The following NTM variants were observed in gnomAD, a reference collection of about 807,000 sequenced individuals.
NTM encodes the protein IgLON family member 2.
A neutral mutation model predicts 42.1 loss-of-function variants in NTM; 13 were observed. The observed-to-expected ratio is 0.31, with a 90% CI of 0.20 to 0.49. The LOEUF (loss-of-function observed/expected upper bound fraction) is 0.49. Ranked by LOEUF, NTM falls within the 20% of genes least tolerant of loss-of-function variation. NTM has a pLI of 0.99. For missense variants in NTM, 373 were observed against 452.8 expected (o/e 0.82, Z 1.60); for synonymous variants, 187 against 179.2 (o/e 1.04, Z -0.35).
At chr11:132,007,305 G>A (rs1362863121) in intron 2 of NTM, among the ~76,000 whole-genome samples, 1 of 152,138 alleles carries the variant, frequency 6.6e-6, no homozygotes, top group Non-Finnish European at 1.5e-5. Flanking sequence ...TTGGATAAGT[G>A]GCAATAAGGG....
At chr11:132,176,139 C>T (rs933452710) in intron 3 of NTM, among the ~76,000 whole-genome samples, 3 of 152,080 alleles carry the variant, frequency 2.0e-5, no homozygotes, top group Non-Finnish European at 4.4e-5. Context: ...TTAAGTGTAA[C>T]TGTATGTGGA....
At chr11:131,866,577 C>T (rs371228702) in intron 1 of NTM, among the ~76,000 whole-genome samples, 41 of 152,374 alleles carry the variant, frequency 2.7e-4, no homozygotes, top group African/African-American at 8.9e-4. Flanking sequence ...GTGTCTCCCC[C>T]TCCCCTGCAA....
At chr11:132,232,118 C>G (rs2087712973) in intron 4 of NTM, among the ~76,000 whole-genome samples, 1 of 152,168 alleles carries the variant, frequency 6.6e-6, no homozygotes, top group Non-Finnish European at 1.5e-5. Context: ...CTGCGTCTCG[C>G]CTGGGAGAGC....
rs908833374 is a variant in NTM at position 132,153,645 on chromosome 11, C to T, written c.400+7131C>T. On this transcript the variant is annotated intron_variant, in intron 3 of 8. Transcript: ENST00000683400. ...CTCTCTTCTTAATAAAATTAAAATG[C>T]GTAGCTTCTTAGGACATAGGGAGTA... 3.3e-5 allele frequency among the ~76,000 whole-genome samples: 5 copies of T among 152,244 alleles called. No homozygotes were observed. The East Asian group carries it at 7.8e-4, about 24-fold the overall frequency.
chr11:132,184,152 G>A (rs1013671653), intron 3 of NTM, among the ~76,000 whole-genome samples: 12 of 152,274 alleles, frequency 7.9e-5, no homozygotes, highest in Non-Finnish European at 1.0e-4. Flanking sequence ...GGGGGTGTCC[G>A]TAGATCTTCC....
intron 3 of NTM, among the ~76,000 whole-genome samples, chr11:132,198,689 G>A (rs1212775487): frequency 6.6e-6 from 1 of 152,156 alleles, no homozygotes; most frequent in African/African-American, 2.4e-5. Context: ...CTGCAGATTT[G>A]CATAGAGCCC....
intron 1 of NTM, among the ~76,000 whole-genome samples, chr11:131,638,816 T>G (rs2064767538): frequency 1.3e-5 from 2 of 152,138 alleles, no homozygotes; most frequent in Admixed American, 1.3e-4. Flanking sequence ...TGTTTTGTTT[T>G]TTTAATTTCT....
chr11:132,108,809 CTCA>C (rs1484748062), intron 2 of NTM, among the ~76,000 whole-genome samples: 1 of 152,168 alleles, frequency 6.6e-6, no homozygotes, highest in East Asian at 1.9e-4. Context: ...CACCCATCAA[CTCA>C]TCATCTACGT....
intron 1 of NTM, among the ~76,000 whole-genome samples, chr11:131,395,319 C>T (rs1166456000): frequency 1.3e-5 from 2 of 152,182 alleles, no homozygotes; most frequent in Admixed American, 6.5e-5. Context: ...AGGAATATTG[C>T]TTTTATAGCT....
rs1027450237 is a variant in NTM, at chr11:132,002,705, T to C, written c.167+91057T>C. 6.6e-6 allele frequency among the ~76,000 whole-genome samples: 1 copy of C among 152,180 alleles called. No individual in the cohort carries two copies. The highest frequency in any genetic ancestry group is 1.5e-5 in the Non-Finnish European group (1 of 68,028). ...AGGAATGTCAGTCTACTAAATTTTG[T>C]GGCAATACAATGCCTGGGTTTGAAT... On this transcript the variant is annotated intron_variant, in intron 2 of 8. Transcript: ENST00000683400. The surrounding 1 kb of genome is among the most constrained non-coding windows in gnomAD (Gnocchi z 4.5).
At chr11:132,168,786 A>G (rs1412073689) in intron 3 of NTM, among the ~76,000 whole-genome samples, 1 of 152,194 alleles carries the variant, frequency 6.6e-6, no homozygotes, top group Non-Finnish European at 1.5e-5. Flanking sequence ...GGCCAGAGAC[A>G]AACCTGCCTG....
At chr11:132,210,466 C>T (rs1313749608) in intron 3 of NTM, among the ~76,000 whole-genome samples, 1 of 152,176 alleles carries the variant, frequency 6.6e-6, no homozygotes, top group African/African-American at 2.4e-5. Flanking sequence ...ATAAGTAACA[C>T]ATTGTTCAGG....
At chr11:131,717,675 T>G (rs1302997052) in intron 1 of NTM, among the ~76,000 whole-genome samples, 1 of 152,220 alleles carries the variant, frequency 6.6e-6, no homozygotes. Flanking sequence ...ACAGTTTTAC[T>G]TCTTCCTTTC....
At chr11:132,085,376 G>A (rs944228005) in intron 2 of NTM, among the ~76,000 whole-genome samples, 1 of 152,140 alleles carries the variant, frequency 6.6e-6, no homozygotes, top group African/African-American at 2.4e-5. Flanking sequence ...CATGGTGAAG[G>A]GTGTGGTTAA....
At chr11:131,689,485 A>G (rs898772472) in intron 1 of NTM, among the ~76,000 whole-genome samples, 7 of 152,204 alleles carry the variant, frequency 4.6e-5, no homozygotes, top group African/African-American at 1.4e-4. Flanking sequence ...ATTCAACACT[A>G]TCTCAGTCCC....
At chr11:131,760,700 G>A (rs2084024911) in intron 1 of NTM, among the ~76,000 whole-genome samples, 2 of 152,150 alleles carry the variant, frequency 1.3e-5, no homozygotes, top group Non-Finnish European at 2.9e-5. Context: ...TTCCATCTCC[G>A]GGAAGAATCT....
At chr11:131,809,464 C>T (rs1412225359) in intron 1 of NTM, among the ~76,000 whole-genome samples, 2 of 152,146 alleles carry the variant, frequency 1.3e-5, no homozygotes, top group Non-Finnish European at 1.5e-5. Context: ...ACTGCTGTGG[C>T]CCCGGTGAGG....
chr11:132,326,071 G>C (rs11824790), intron 7 of NTM, among the ~76,000 whole-genome samples: 4,694 of 152,156 alleles, frequency 0.031, 268 homozygotes, highest in African/African-American at 0.11. Context: ...AATGCTAAAT[G>C]ACGAGTTAAT....
chr11:131,932,418 A>C (rs1482925794), intron 2 of NTM, among the ~76,000 whole-genome samples: 1 of 152,150 alleles, frequency 6.6e-6, no homozygotes, highest in East Asian at 1.9e-4. Flanking sequence ...AAAGGTAAAG[A>C]CCACAGTTTA....
Sources: gnomAD v4.1 joint callset for allele counts (sites outside exome capture counted in the v4.1 genomes callset) on GRCh38, gnomAD v4.1.1 for gene constraint, Gnocchi (gnomAD v3.1) non-coding constraint, MANE v1.5 for transcripts, NCBI Gene and HGNC (gene_info 2026-07-23, HGNC 2026-07-21) for gene names.